Variants in STAT3 observed in about 807,000 individuals in gnomAD.
STAT3 encodes DNA-binding protein APRF.
A neutral mutation model predicts 114.3 loss-of-function variants in STAT3; 7 were observed. The ratio of observed to expected loss-of-function variants is 0.06; its 90% CI spans 0.03 to 0.11. STAT3 has a LOEUF of 0.11. STAT3 is among the 10% of genes least tolerant of loss of function. The pLI is 1.00. For missense variants in STAT3, 364 were observed against 960.9 expected, an observed-to-expected ratio of 0.38 and a Z score of 8.21; for synonymous variants, 331 against 354.5, an observed-to-expected ratio of 0.93 and a Z score of 0.74.
At chr17:42,334,758 T>C (rs1159040705) in intron 8 of STAT3, among the ~76,000 whole-genome samples, 1 of 152,128 alleles carries the variant, frequency 6.6e-6, no homozygotes, top group Non-Finnish European at 1.5e-5. Context: ...AAATAATTTA[T>C]TTTACCTTTT....
At chr17:42,374,572 T>G (rs1207293615) in intron 1 of STAT3, among the ~76,000 whole-genome samples, 1 of 143,220 alleles carries the variant, frequency 7.0e-6, no homozygotes, top group Non-Finnish European at 1.5e-5. Context: ...ATCGTGCCAT[T>G]GCACTCCAGC....
chr17:42,337,019 G>A lies in STAT3; in HGVS notation c.797+416C>T, dbSNP rs570434277. ...AGATGGAGTCTCACTCTGTCTCCCA[G>A]GCTGGTTGGTGTGCGGTAGTAAGAT... is the stretch of plus-strand genomic sequence containing the variant. On this transcript the variant is annotated intron_variant, in intron 8 of 23. Coordinates refer to ENST00000264657, the MANE Select transcript of STAT3 (RefSeq NM_139276.3). The surrounding 1 kb of genome is among the most constrained non-coding windows in gnomAD (Gnocchi z 4.0). Among the ~76,000 whole-genome samples, 314 of 151,976 alleles carry A rather than the reference G, an allele frequency of 2.1e-3. 2 individuals carry two copies. Among genetic ancestry groups the A allele is most frequent in the African/African-American group, 7.1e-3 (293 of 41,422 alleles).
Position 42,314,042 on chromosome 17 carries a change from G to A in STAT3, c.*1703C>T, listed in dbSNP as rs1258810791. The A allele has an allele frequency of 1.7e-5, 4 of 231,686 alleles. No individual in the cohort carries two copies. The highest frequency in any genetic ancestry group is 3.4e-5 in the Non-Finnish European group (4 of 117,086). 14.4% of individuals were successfully genotyped at this position (231,686 alleles called of 1,614,324 possible). On this transcript the variant is annotated 3_prime_UTR_variant, in exon 24 of 24. Transcript: ENST00000264657. ...GAGTCAGAGGCAGCCCATCCAGCACGTGCTAGGTGTTCCCATACGCACAGG... is the reference window on the plus strand; with the variant it reads ...GAGTCAGAGGCAGCCCATCCAGCACATGCTAGGTGTTCCCATACGCACAGG...
At chr17:42,325,963 C>T (rs2144728155) in intron 15 of STAT3, among the ~76,000 whole-genome samples, 153 bp downstream of exon 15, 1 of 152,130 alleles carries the variant, frequency 6.6e-6, no homozygotes, top group South Asian at 2.1e-4. Context: ...AGATGGGATG[C>T]CAAGGATTTT....
chr17:42,355,530 G>A (rs1447613978), intron 1 of STAT3, among the ~76,000 whole-genome samples: 3 of 152,016 alleles, frequency 2.0e-5, no homozygotes, highest in African/African-American at 7.2e-5. Context: ...AGGCAAGGTG[G>A]GTGTAATCCT....
intron 8 of STAT3, among the ~76,000 whole-genome samples, chr17:42,335,778 G>C (rs1035059782): frequency 6.6e-6 from 1 of 152,060 alleles, no homozygotes; most frequent in African/African-American, 2.4e-5. Context: ...ACTAAGAATC[G>C]CTTGAACCTG....
In STAT3 at chr17:42,339,328, G is replaced by A. The variant is rs869312890; in HGVS notation, c.454C>T (p.Arg152Trp). The change falls in exon 5 of 24, where the codon CGG becomes TGG. Residue 152 changes from arginine to tryptophan, a missense_variant. Arg to Trp is a moderately radical substitution (Grantham distance 101). Around this residue, in one of 5 missense-constraint regions of STAT3, gnomAD observed 294 missense variants for 745.1 expected, o/e 0.39. Transcript: ENST00000264657. ...ACTTGCATCACCTGCACTCTCTTCC[G>A]GACATCCTGAAGGTGCTGCTCCAGC... ...QMLEQHLQDV[R>W]KRVQDLEQKM... The A allele has an allele frequency of 1.2e-6, 2 of 1,613,574 alleles. No individual in the cohort carries two copies. Among genetic ancestry groups the A allele is most frequent in the Non-Finnish European group, 1.7e-6 (2 of 1,179,922 alleles).
chr17:42,332,569 G>A (rs1204151623), intron 10 of STAT3, among the ~76,000 whole-genome samples: 1 of 149,156 alleles, frequency 6.7e-6, no homozygotes, highest in Non-Finnish European at 1.5e-5. Context: ...AAGGCCGAGC[G>A]TGGTGGCTCA....
chr17:42,351,347 C>T (rs918522330), intron 1 of STAT3, among the ~76,000 whole-genome samples: 14 of 151,602 alleles, frequency 9.2e-5, no homozygotes, highest in Admixed American at 2.6e-4. Flanking sequence ...CCAGCTCAAA[C>T]GATCCTCCCA....
chr17:42,365,456 A>G (rs2083726242), intron 1 of STAT3, among the ~76,000 whole-genome samples: 1 of 152,142 alleles, frequency 6.6e-6, no homozygotes, highest in African/African-American at 2.4e-5. Context: ...TGCCCACGGC[A>G]TCTTCGAACA....
chr17:42,352,267 A>G (rs554559856), intron 1 of STAT3, among the ~76,000 whole-genome samples: 4 of 152,088 alleles, frequency 2.6e-5, no homozygotes, highest in African/African-American at 9.6e-5. Context: ...TGAACCCGGG[A>G]GGTGGAGGTT....
At chr17:42,344,418 C>A (rs1302166517) in intron 4 of STAT3, among the ~76,000 whole-genome samples, 1 of 87,392 alleles carries the variant, frequency 1.1e-5, no homozygotes, top group Non-Finnish European at 2.0e-5. Context: ...AAGACTCTGT[C>A]TCAAAAAAAA....
At position 42,315,722 on chromosome 17, in the gene STAT3, C is replaced by T; in HGVS notation, c.*23G>A. On this transcript the variant is annotated 3_prime_UTR_variant, in exon 24 of 24. Transcript: ENST00000264657. ...AGGTAGGCGCCTCAGTCGTATCTTT[C>T]TGCAGCTTCCGTTCTCAGCTCCTCA... is the stretch of plus-strand genomic sequence containing the variant. 1.2e-6 allele frequency: 2 copies of T among 1,612,970 alleles called. No homozygotes were observed. Among genetic ancestry groups the T allele is most frequent in the Non-Finnish European group, 1.7e-6 (2 of 1,178,950 alleles).
chr17:42,384,138 T>TATTTATTA (rs1485447129), intron 1 of STAT3, among the ~76,000 whole-genome samples: 1 of 149,234 alleles, frequency 6.7e-6, no homozygotes, highest in African/African-American at 2.5e-5. Context: ...ATTTATTTTT[T>TATTTATTA]TTTTTTTTGA....
At chr17:42,319,261 G>C (rs2081368038) in intron 21 of STAT3, among the ~76,000 whole-genome samples, 1 of 151,110 alleles carries the variant, frequency 6.6e-6, no homozygotes, top group Non-Finnish European at 1.5e-5. Flanking sequence ...CAAAAACAAG[G>C]CTGGGCACTG....
At chr17:42,326,089 T>C (rs750765960) in intron 15 of STAT3, 27 bp downstream of exon 15, 1 of 1,608,148 alleles carries the variant, frequency 6.2e-7, no homozygotes, top group South Asian at 1.1e-5. Flanking sequence ...GTACGTAGCC[T>C]CTCACCGATT....
intron 1 of STAT3, among the ~76,000 whole-genome samples, chr17:42,357,707 T>A (rs2083295243): frequency 6.6e-6 from 1 of 152,092 alleles, no homozygotes; most frequent in Admixed American, 6.6e-5. Context: ...AAATAAATAC[T>A]GTAGCTTTAA....
intron 2 of STAT3, 112 bp downstream of exon 2, chr17:42,348,277 A>G: frequency 6.8e-7 from 1 of 1,467,938 alleles, no homozygotes; most frequent in Non-Finnish European, 9.5e-7. Flanking sequence ...TTTCCCCATC[A>G]CCTGTACCCA....
chr17:42,344,278 T>C (rs556834072), intron 4 of STAT3, among the ~76,000 whole-genome samples: 17 of 147,538 alleles, frequency 1.2e-4, no homozygotes, highest in African/African-American at 4.3e-4. Flanking sequence ...AAAAATTAGC[T>C]GGGTGTGGTG....
Sources: gnomAD v4.1 joint callset for allele counts (sites outside exome capture counted in the v4.1 genomes callset) on GRCh38, gnomAD v4.1.1 for gene constraint, gnomAD v4.1.1 regional missense constraint, Gnocchi (gnomAD v3.1) non-coding constraint, MANE v1.5 for transcripts, NCBI Gene and HGNC (gene_info 2026-07-23, HGNC 2026-07-21) for gene names.